The following GPC5 variants were observed in gnomAD, a reference collection of about 807,000 sequenced individuals.
The protein encoded by GPC5 is glypican-5.
Under a neutral mutation model 53.9 loss-of-function variants are expected in GPC5, and 47 were observed. The observed-to-expected ratio is 0.87, with a 90% confidence interval of 0.69 to 1.11. The LOEUF (loss-of-function observed/expected upper bound fraction) is 1.11. GPC5 is among the 50% of genes most tolerant of loss of function. The pLI, the probability that GPC5 is intolerant of heterozygous loss-of-function variation, is 0.00. For synonymous variants in GPC5, 286 were observed against 263.3 expected, an observed-to-expected ratio of 1.09 and a Z score of -0.84; for missense variants, 748 against 713.1, an observed-to-expected ratio of 1.05 and a Z score of -0.56.
At chr13:91,869,225 A>C (rs1476669107) in intron 5 of GPC5, among the ~76,000 whole-genome samples, 2 of 152,004 alleles carry the variant, frequency 1.3e-5, no homozygotes, top group East Asian at 3.9e-4. Flanking sequence ...ACGACTGGCT[A>C]ATTTTTTGTA....
At chr13:92,137,161 T>G (rs2182500) in intron 6 of GPC5, among the ~76,000 whole-genome samples, 44,664 of 152,006 alleles carry the variant, frequency 0.29, 6,875 homozygotes, top group Non-Finnish European at 0.31. Context: ...TTCAAGTATA[T>G]AAAGTGCTTT....
intron 2 of GPC5, among the ~76,000 whole-genome samples, chr13:91,615,909 G>A (rs140677859): frequency 2.9e-4 from 44 of 151,966 alleles, no homozygotes; most frequent in African/African-American, 9.4e-4. Flanking sequence ...TCTTTAATTC[G>A]TGGATTTTCA....
intron 7 of GPC5, among the ~76,000 whole-genome samples, chr13:92,712,992 A>AT (rs1186412404): frequency 3.9e-5 from 6 of 152,082 alleles, no homozygotes; most frequent in South Asian, 2.1e-4. Flanking sequence ...ACCTGTGAGA[A>AT]TTTTTTTTAA....
intron 7 of GPC5, among the ~76,000 whole-genome samples, chr13:92,736,574 A>C (rs560109962): frequency 6.6e-6 from 1 of 151,958 alleles, no homozygotes; most frequent in South Asian, 2.1e-4. Context: ...TTTCTCAAAC[A>C]AGCTGTCCCT....
chr13:92,610,794 G>A (rs1306595919), intron 7 of GPC5, among the ~76,000 whole-genome samples: 4 of 151,990 alleles, frequency 2.6e-5, no homozygotes, highest in Admixed American at 2.6e-4. Context: ...GAAGGAGGAA[G>A]AGCCCCTTAG....
At chr13:91,897,443 G>A (rs1566329661) in intron 5 of GPC5, among the ~76,000 whole-genome samples, 2 of 151,580 alleles carry the variant, frequency 1.3e-5, no homozygotes, top group African/African-American at 2.4e-5. Flanking sequence ...TGGCACTTAA[G>A]AATCCTAAGT....
chr13:91,461,490 G>A (rs1246104722), intron 2 of GPC5, among the ~76,000 whole-genome samples: 2 of 152,040 alleles, frequency 1.3e-5, no homozygotes, highest in East Asian at 1.9e-4. Flanking sequence ...GATAACAATA[G>A]TAACTTCTTC....
intron 2 of GPC5, among the ~76,000 whole-genome samples, chr13:91,673,456 A>C (rs2035298389): frequency 6.6e-6 from 1 of 152,158 alleles, no homozygotes. Flanking sequence ...TTTGTGCTTC[A>C]TAGTTTGTGC....
In GPC5 at chr13:91,668,062, A is replaced by G. The variant is rs1307442929; in HGVS notation, c.326-25125A>G. The stretch of plus-strand genomic sequence containing the variant: ...TGGCTGCCACATATTTCTGTTGTCA[A>G]GAATAGAAATATCTGGTATTTCAAT... On this transcript the variant is annotated intron_variant, in intron 2 of 7. Coordinates refer to ENST00000377067, the MANE Select transcript of GPC5 (RefSeq NM_004466.6). 2.0e-5 allele frequency among the ~76,000 whole-genome samples: 3 copies of G among 152,230 alleles called. No individual in the cohort carries two copies. The East Asian group carries it at 5.8e-4, about 29-fold the overall frequency.
rs78290823 is a variant in GPC5 at position 91,518,054 on chromosome 13, T to A, written c.325+69132T>A. On this transcript the variant is annotated intron_variant, in intron 2 of 7. Coordinates refer to ENST00000377067, the MANE Select transcript of GPC5 (RefSeq NM_004466.6). ...ATCTTATAGCAAAATGATATAGTGG[T>A]GGATGTAATCATTCACACTGTTATA... is the stretch of plus-strand genomic sequence containing the variant. 3.1e-3 allele frequency among the ~76,000 whole-genome samples: 465 copies of A among 152,338 alleles called. 1 individual carries two copies. Among genetic ancestry groups the A allele is most frequent in the South Asian group, 7.2e-3 (35 of 4,828 alleles).
At chr13:92,232,700 A>T (rs115509122) in intron 7 of GPC5, among the ~76,000 whole-genome samples, 5,438 of 152,302 alleles carry the variant, frequency 0.036, 341 homozygotes, top group African/African-American at 0.12. Context: ...TACTAAAAAG[A>T]CTTTGGTGAC....
intron 5 of GPC5, among the ~76,000 whole-genome samples, chr13:91,871,786 G>A (rs1200514183): frequency 6.6e-6 from 1 of 151,892 alleles, no homozygotes; most frequent in African/African-American, 2.4e-5. Context: ...CACAGTAATG[G>A]AGTGAGGGAG....
intron 3 of GPC5, among the ~76,000 whole-genome samples, chr13:91,713,967 A>G (rs968070764): frequency 3.3e-5 from 5 of 152,112 alleles, no homozygotes; most frequent in African/African-American, 1.2e-4. Flanking sequence ...CCACTGCCCT[A>G]TCCCATCCCA....
chr13:92,432,628 G>A (rs550371263), intron 7 of GPC5, among the ~76,000 whole-genome samples: 35 of 151,130 alleles, frequency 2.3e-4, no homozygotes, highest in African/African-American at 7.8e-4. Context: ...GCCCGCCTCC[G>A]CCTCCCAAAA....
intron 2 of GPC5, among the ~76,000 whole-genome samples, chr13:91,566,169 T>TCTA (rs1019581418): frequency 8.5e-5 from 13 of 152,132 alleles, no homozygotes; most frequent in Non-Finnish European, 1.8e-4. Flanking sequence ...GGGTCACCAA[T>TCTA]CTACTACAGC....
intron 7 of GPC5, among the ~76,000 whole-genome samples, chr13:92,659,753 G>A (rs1276988026): frequency 2.0e-5 from 3 of 152,196 alleles, no homozygotes; most frequent in Non-Finnish European, 4.4e-5. Context: ...GTCCTTCTCA[G>A]AGGGTATGTA....
chr13:92,065,152 AC>A (rs1442924778), intron 6 of GPC5, among the ~76,000 whole-genome samples: 1 of 152,182 alleles, frequency 6.6e-6, no homozygotes, highest in Non-Finnish European at 1.5e-5. Context: ...GGGATCATTC[AC>A]TTTTGCTCTA....
chr13:91,579,071 T>G (rs979748663), intron 2 of GPC5, among the ~76,000 whole-genome samples: 3 of 152,060 alleles, frequency 2.0e-5, no homozygotes, highest in African/African-American at 7.2e-5. Flanking sequence ...ATTAATAAAT[T>G]TTAAAGGTTT....
Position 91,399,226 on chromosome 13 carries a change from G to T in GPC5, c.163+17G>T. 1 of 1,609,124 alleles carries T rather than the reference G, an allele frequency of 6.2e-7. No homozygotes were observed. ...CGCGGGCAGGTAAGGGGCAATGAGG[G>T]GGTCTCTGGACTGGCGGCGTCCGAG... On this transcript the variant is annotated intron_variant, in intron 1 of 7. Coordinates refer to ENST00000377067, the MANE Select transcript of GPC5 (RefSeq NM_004466.6).
Sources: gnomAD v4.1 joint callset for allele counts (sites outside exome capture counted in the v4.1 genomes callset) on GRCh38, gnomAD v4.1.1 for gene constraint, MANE v1.5 for transcripts, NCBI Gene and HGNC (gene_info 2026-07-23, HGNC 2026-07-21) for gene names.